Variants in ST8SIA6 observed in about 807,000 individuals in gnomAD.
ST8SIA6 encodes the protein ST8 alpha-N-acetyl-neuraminide alpha-2,8-sialyltransferase 6, also known as alpha-2,8-sialyltransferase 8F.
In ST8SIA6, 39 loss-of-function variants were observed where a neutral mutation model predicts 33.6. The ratio of observed to expected loss-of-function variants is 1.16; its 90% CI spans 0.90 to 1.52. The LOEUF is 1.52. Among genes scored for constraint, ST8SIA6 ranks in the 40% most tolerant of loss-of-function variants. ST8SIA6 has a pLI of 0.00. For synonymous variants in ST8SIA6, 172 were observed against 167.2 expected, an observed-to-expected ratio of 1.03 and a Z score of -0.22; for missense variants, 441 against 443.8, an observed-to-expected ratio of 0.99 and a Z score of 0.06.
chr10:17,337,910 A>T (rs1358215681), intron 4 of ST8SIA6, among the ~76,000 whole-genome samples: 1 of 152,192 alleles, frequency 6.6e-6, no homozygotes, highest in Non-Finnish European at 1.5e-5. Flanking sequence ...TTCACCTTCC[A>T]TGGCAGTAAA....
chr10:17,352,318 A>G (rs1181239343), intron 4 of ST8SIA6, among the ~76,000 whole-genome samples: 1 of 152,194 alleles, frequency 6.6e-6, no homozygotes, highest in Non-Finnish European at 1.5e-5. Context: ...ACCAGCTCAT[A>G]TATTTGAGTA....
At chr10:17,341,941 AG>A (rs202185436) in intron 4 of ST8SIA6, among the ~76,000 whole-genome samples, 7 of 151,278 alleles carry the variant, frequency 4.6e-5, no homozygotes, top group African/African-American at 4.9e-5. Flanking sequence ...AGAAAGAAAA[AG>A]AAAGAAGCTG....
intron 5 of ST8SIA6, among the ~76,000 whole-genome samples, chr10:17,327,386 A>T (rs1588782623): frequency 6.6e-6 from 1 of 151,392 alleles, no homozygotes; most frequent in South Asian, 2.1e-4. Flanking sequence ...GGAGTTCAAC[A>T]CCAGCCTGGC....
chr10:17,336,594 CTTT>C lies in ST8SIA6; in HGVS notation c.378-5045_378-5043del, dbSNP rs10536702. 8.3e-3 allele frequency among the ~76,000 whole-genome samples: 1,052 copies of C among 126,904 alleles called. 12 individuals are homozygous for C. Among genetic ancestry groups the C allele is most frequent in the African/African-American group, 0.03 (978 of 32,948 alleles). 83.3% of individuals were successfully genotyped at this position (126,904 alleles called of 152,430 possible). ...TGAACAGAATTATATCACATGTGTGCTTTTTTTTTTTTTTTTTGAGGTGGAGTC... is the reference window on the plus strand; with the variant it reads ...TGAACAGAATTATATCACATGTGTGCTTTTTTTTTTTTTTGAGGTGGAGTC... On this transcript the variant is annotated intron_variant, in intron 4 of 7. Coordinates refer to ENST00000377602, the MANE Select transcript of ST8SIA6 (RefSeq NM_001004470.3).
intron 2 of ST8SIA6, 72 bp from the exon 3 acceptor site, chr10:17,390,692 C>A: frequency 2.4e-6 from 3 of 1,227,938 alleles, no homozygotes; most frequent in South Asian, 2.6e-5. Flanking sequence ...TAACAAAAAT[C>A]AGATTTAATT....
chr10:17,443,498 T>A (rs2131740417), intron 2 of ST8SIA6, among the ~76,000 whole-genome samples: 1 of 152,306 alleles, frequency 6.6e-6, no homozygotes. Flanking sequence ...CAACAATAAC[T>A]AGCAAGATAA....
intron 2 of ST8SIA6, among the ~76,000 whole-genome samples, chr10:17,439,680 A>T (rs972293473): frequency 6.6e-6 from 1 of 152,092 alleles, no homozygotes; most frequent in Non-Finnish European, 1.5e-5. Flanking sequence ...TCTAAGCTTC[A>T]TCTCCCCACC....
chr10:17,345,077 G>T (rs866886162), intron 4 of ST8SIA6, among the ~76,000 whole-genome samples: 1 of 152,136 alleles, frequency 6.6e-6, no homozygotes, highest in African/African-American at 2.4e-5. Context: ...ACACGGTGCC[G>T]TCAGTCTACA....
chr10:17,379,521 T>C (rs761847611), intron 3 of ST8SIA6, among the ~76,000 whole-genome samples: 1 of 152,172 alleles, frequency 6.6e-6, no homozygotes, highest in East Asian at 1.9e-4. Flanking sequence ...CTATTCAAAG[T>C]TATCCCTCTG....
chr10:17,394,639 T>C (rs1034915750), intron 2 of ST8SIA6, among the ~76,000 whole-genome samples: 1 of 152,008 alleles, frequency 6.6e-6, no homozygotes, highest in Non-Finnish European at 1.5e-5. Flanking sequence ...ATTTCAAGAG[T>C]CTTCAGAGTT....
intron 4 of ST8SIA6, among the ~76,000 whole-genome samples, chr10:17,341,842 A>G (rs1267096242): frequency 6.7e-6 from 1 of 148,502 alleles, no homozygotes; most frequent in Non-Finnish European, 1.5e-5. Flanking sequence ...CAGAGGTTGC[A>G]GTAACTGGAG....
intron 3 of ST8SIA6, among the ~76,000 whole-genome samples, chr10:17,378,937 T>C (rs796339306): frequency 6.0e-4 from 91 of 152,102 alleles, no homozygotes; most frequent in African/African-American, 1.3e-3. Flanking sequence ...CCATCCTGGC[T>C]AACATGGTGA....
chr10:17,398,330 G>GA (rs772366475), intron 2 of ST8SIA6, among the ~76,000 whole-genome samples: 7,085 of 139,702 alleles, frequency 0.051, 164 homozygotes, highest in South Asian at 0.071. Flanking sequence ...CCATCTTAAG[G>GA]AAAAAAAAAA....
chr10:17,437,677 C>G (rs1852326367), intron 2 of ST8SIA6, among the ~76,000 whole-genome samples: 2 of 148,754 alleles, frequency 1.3e-5, no homozygotes, highest in Admixed American at 1.4e-4. Context: ...GTCTCTCTTT[C>G]TCTTTCTCTT....
intron 4 of ST8SIA6, among the ~76,000 whole-genome samples, chr10:17,350,525 C>G (rs1848994718): frequency 6.6e-6 from 1 of 151,770 alleles, no homozygotes; most frequent in South Asian, 2.1e-4. Context: ...CCTATCTCAA[C>G]AAAACAAAAC....
chr10:17,443,182 T>C (rs1852566930), intron 2 of ST8SIA6, among the ~76,000 whole-genome samples: 1 of 152,176 alleles, frequency 6.6e-6, no homozygotes, highest in African/African-American at 2.4e-5. Context: ...GGTGTCCTCC[T>C]GAAATAGCAA....
At chr10:17,427,270 G>C (rs1851968881) in intron 2 of ST8SIA6, among the ~76,000 whole-genome samples, 1 of 152,214 alleles carries the variant, frequency 6.6e-6, no homozygotes, top group South Asian at 2.1e-4. Flanking sequence ...CATTAGGAGG[G>C]ACTGGGTTTC....
chr10:17,449,660 T>C (rs1852841811), intron 2 of ST8SIA6, among the ~76,000 whole-genome samples: 1 of 152,180 alleles, frequency 6.6e-6, no homozygotes, highest in African/African-American at 2.4e-5. Context: ...TCCTTGAATT[T>C]CCCCAATCCT....
chr10:17,417,509 A>C (rs1029889400), intron 2 of ST8SIA6, among the ~76,000 whole-genome samples: 10 of 142,964 alleles, frequency 7.0e-5, no homozygotes, highest in African/African-American at 1.3e-4. Context: ...CTCACCTCCC[A>C]CCCCCGCCAT....
Sources: allele counts gnomAD v4.1 joint callset (sites outside exome capture counted in the v4.1 genomes callset), GRCh38; gene constraint gnomAD v4.1.1; transcripts MANE v1.5; gene names NCBI Gene and HGNC (gene_info 2026-07-23, HGNC 2026-07-21).